Variants in RPL21 observed in about 807,000 individuals in gnomAD.
The protein encoded by RPL21 is ribosomal protein L21.
RPL21 carries 1 observed loss-of-function variant against 21.2 expected under a neutral mutation model. The observed-to-expected ratio is 0.05, with a 90% CI of 0.02 to 0.22. The LOEUF is 0.22. Among genes scored for constraint, RPL21 ranks in the 10% least tolerant of loss-of-function variants. RPL21 has a pLI of 1.00. For synonymous variants in RPL21, 52 were observed against 62.9 expected (o/e 0.83, Z 0.82); for missense variants, 113 against 199.4 (o/e 0.57, Z 2.61).
At position 27,256,535 on chromosome 13, in the gene RPL21, A is replaced by G. The variant is rs1306448911; in HGVS notation, c.*10A>G. ...TGAATTCATGGCATAATAGGTGTTA[A>G]AAAAAAAAATAAAGGACCTCTGGGC... is the stretch of plus-strand genomic sequence containing the variant. On this transcript the variant is annotated 3_prime_UTR_variant, in exon 6 of 6. Transcript: ENST00000311549. 31 of 1,099,966 alleles carry G rather than the reference A, an allele frequency of 2.8e-5. No homozygotes were observed. Among genetic ancestry groups the G allele is most frequent in the Non-Finnish European group, 9.7e-6 (7 of 719,236 alleles). 68.1% of individuals were successfully genotyped at this position (1,099,966 alleles called of 1,614,324 possible). A position where few individuals can be genotyped will look rare whatever the true frequency, so the allele number is the denominator to read the frequency against.
intron 4 of RPL21, chr13:27,255,616 G>A: frequency 1.8e-6 from 1 of 566,280 alleles, no homozygotes; most frequent in African/African-American, 1.8e-5. Context: ...CTGTCGCCCT[G>A]GCTGGAGTGC....
At chr13:27,255,576 G>C (rs1469034159) in intron 4 of RPL21, 2 of 699,066 alleles carry the variant, frequency 2.9e-6, no homozygotes, top group Non-Finnish European at 5.3e-6. Flanking sequence ...TAAGCGGTTT[G>C]TTTGTTTTGT....
chr13:27,255,618 C>T, intron 4 of RPL21: 1 of 561,526 alleles, frequency 1.8e-6, no homozygotes, highest in Non-Finnish European at 3.4e-6. Flanking sequence ...GTCGCCCTGG[C>T]TGGAGTGCAG....
intron 1 of RPL21, among the ~76,000 whole-genome samples, chr13:27,252,896 T>C (rs941180653): frequency 1.3e-5 from 2 of 152,250 alleles, no homozygotes; most frequent in East Asian, 1.9e-4. Context: ...TTTTACCTTA[T>C]GGTAGGAGTA....
intron 1 of RPL21, among the ~76,000 whole-genome samples, chr13:27,252,177 A>C (rs777719995): frequency 2.0e-5 from 3 of 152,178 alleles, no homozygotes; most frequent in Non-Finnish European, 4.4e-5. Flanking sequence ...TAGTTAATGC[A>C]TAAGACGATT....
rs1351707719 is a variant in RPL21 at position 27,254,509 on chromosome 13, C to T, written c.129+228C>T. 2.4e-5 allele frequency: 12 copies of T among 509,248 alleles called. No individual in the cohort carries two copies. The East Asian group carries it at 4.1e-4, about 17-fold the overall frequency. 31.5% of individuals were successfully genotyped at this position (509,248 alleles called of 1,614,324 possible). A position where few individuals can be genotyped will look rare whatever the true frequency, so the allele number is the denominator to read the frequency against. On this transcript the variant is annotated intron_variant, in intron 3 of 5. Transcript: ENST00000311549. ...TCCCGGATTCAAGCAGTTCTCCTGC[C>T]TCAGCCTCCCAAATAGCTGGGATTA...
chr13:27,255,579 T>G (rs746825875), intron 4 of RPL21: 2 of 699,474 alleles, frequency 2.9e-6, no homozygotes, highest in Admixed American at 1.8e-5. Flanking sequence ...GCGGTTTGTT[T>G]GTTTTGTTTC....
At chr13:27,252,015 G>T (rs1027505242) in intron 1 of RPL21, among the ~76,000 whole-genome samples, 7 of 152,260 alleles carry the variant, frequency 4.6e-5, no homozygotes, top group African/African-American at 1.7e-4. Context: ...ATCTTGCGAT[G>T]ATGTTGGGTG....
In RPL21 at chr13:27,254,298, GA is replaced by G; in HGVS notation, c.129+21del. 1.4e-6 allele frequency: 2 copies of G among 1,458,556 alleles called. No individual in the cohort carries two copies. The highest frequency in any genetic ancestry group is 1.9e-6 in the Non-Finnish European group (2 of 1,039,296). 90.4% of individuals were successfully genotyped at this position (1,458,556 alleles called of 1,614,324 possible). ...GACATCAAGGTAAACATAAAATTGG[GA>G]AAATAACACTACAGAAGATAGAAAA... On this transcript the variant is annotated intron_variant, in intron 3 of 5. Transcript: ENST00000311549.
At position 27,256,229 on chromosome 13, in the gene RPL21, T is replaced by A; in HGVS notation, c.288T>A (p.Ile96=). 1 of 1,587,934 alleles carries A rather than the reference T, an allele frequency of 6.3e-7. No homozygotes were observed. The highest frequency in any genetic ancestry group is 8.6e-7 in the Non-Finnish European group (1 of 1,162,070). Residue 96 remains isoleucine (I), a synonymous_variant, in exon 5 of 6, where the codon ATT becomes ATA. Transcript: ENST00000311549. ...GAATTAATGTGCGTATTGAGCACAT[T>A]AAGCACTCTAAGAGCCGAGATAGCT... The part of the protein sequence containing the change: ...AKRINVRIEH[I]KHSKSRDSFL...
chr13:27,256,005 AG>A, intron 4 of RPL21, 178 bp from the exon 5 acceptor site: 1 of 611,670 alleles, frequency 1.6e-6, no homozygotes, highest in Non-Finnish European at 2.9e-6. Context: ...GTTCTCTGCA[AG>A]GCCTCTTCTG....
Position 27,256,465 on chromosome 13 carries a change from G to A in RPL21, c.423G>A (p.Val141=). ...QPAPPREAHF[V]RTNGKEPELL... ...CTCCACCCAGAGAAGCACACTTTGT[G>A]AGAACCAATGGGAAGGAGCCTGAGC... is the stretch of plus-strand genomic sequence containing the variant. The change falls in exon 6 of 6, where the codon GTG becomes GTA. Residue 141 remains valine, a synonymous_variant. Coordinates refer to ENST00000311549, the MANE Select transcript of RPL21 (RefSeq NM_000982.4). 6.3e-7 allele frequency: 1 copy of A among 1,577,774 alleles called. No individual in the cohort carries two copies.
intron 4 of RPL21, chr13:27,255,825 G>T (rs1168610160): frequency 6.2e-6 from 2 of 324,300 alleles, no homozygotes; most frequent in Non-Finnish European, 1.2e-5. Flanking sequence ...GCCTGCCTCG[G>T]CCTCCCAAAG....
At chr13:27,255,160 C>G in intron 3 of RPL21, 82 bp from the exon 4 acceptor site, 1 of 787,760 alleles carries the variant, frequency 1.3e-6, no homozygotes. Context: ...TGAAAGAAAT[C>G]TTAGAATACT....
chr13:27,255,391 T>A lies in RPL21; in HGVS notation c.242+37T>A, dbSNP rs775559832. The A allele has an allele frequency of 8.4e-6, 7 of 836,630 alleles. No individual in the cohort carries two copies. In the South Asian group the frequency reaches 9.2e-5, roughly 11 times the overall value. The allele number at this position is 836,630 out of a possible 1,614,324, so 51.8% of individuals were successfully genotyped here. ...TGTAGTTCTTTGTGGCTAACCAGTATTCCCTCATATACCCCCTTTTCACTT... is the reference window on the plus strand; with the variant it reads ...TGTAGTTCTTTGTGGCTAACCAGTAATCCCTCATATACCCCCTTTTCACTT... On this transcript the variant is annotated intron_variant, in intron 4 of 5. Transcript: ENST00000311549.
rs1881724131 is a variant in RPL21, at chr13:27,253,090, T to C, written c.-12-675T>C. ...ACACGGGCCAAGCATTGCTGAGTTC[T>C]TTGTAGACATTACCTCAGCTACGAA... On this transcript the variant is annotated intron_variant, in intron 1 of 5. Transcript: ENST00000311549. Among the ~76,000 whole-genome samples, 5 of 152,360 alleles carry C rather than the reference T, an allele frequency of 3.3e-5. 1 individual carries two copies. The South Asian group carries it at 1.0e-3, about 32-fold the overall frequency.
intron 1 of RPL21, among the ~76,000 whole-genome samples, chr13:27,252,105 C>A (rs924375786): frequency 1.3e-5 from 2 of 152,102 alleles, no homozygotes; most frequent in Non-Finnish European, 2.9e-5. Context: ...GTGTGAAAAC[C>A]CGGGCTCTCG....
chr13:27,253,397 C>T (rs770810831), intron 1 of RPL21, among the ~76,000 whole-genome samples: 76 of 152,190 alleles, frequency 5.0e-4, no homozygotes, highest in Non-Finnish European at 9.1e-4. Flanking sequence ...TTGTGTTCTC[C>T]ACTAAATTAT....
At position 27,255,117 on chromosome 13, in the gene RPL21, T is replaced by A. The variant is rs768971794; in HGVS notation, c.130-125T>A. 5.2e-6 allele frequency: 4 copies of A among 776,004 alleles called. No homozygotes were observed. In the South Asian group the frequency reaches 5.4e-5, roughly 10 times the overall value. The allele number at this position is 776,004 out of a possible 1,614,324, so 48.1% of individuals were successfully genotyped here. ...GCTTGAAGCAATGTGAAAAACACAT[T>A]TCACCGGCTCTGAAAGCTCTTGAGT... On this transcript the variant is annotated intron_variant, in intron 3 of 5. Transcript: ENST00000311549.
Sources: gnomAD v4.1 joint callset for allele counts (sites outside exome capture counted in the v4.1 genomes callset) on GRCh38, gnomAD v4.1.1 for gene constraint, MANE v1.5 for transcripts, NCBI Gene and HGNC (gene_info 2026-07-23, HGNC 2026-07-21) for gene names.